Variants in C10orf143 observed in about 807,000 individuals in gnomAD.
C10orf143 encodes uncharacterized protein C10orf143.
rs138465962 is a variant in C10orf143 at position 130,080,601 on chromosome 10, G to A, written c.70-700C>T. Reference sequence around the variant, plus strand: ...CATGGAGGCCACCCTGGCCCAGGGCGAGAAATCCACCCCAGGAGCCCTGGC... The same window carrying A: ...CATGGAGGCCACCCTGGCCCAGGGCAAGAAATCCACCCCAGGAGCCCTGGC... On this transcript the variant is annotated intron_variant, in intron 1 of 3. Transcript: ENST00000637128. Among the ~76,000 whole-genome samples the A allele has an allele frequency of 1.2e-3, 180 of 152,290 alleles. 1 individual carries two copies. Among genetic ancestry groups the A allele is most frequent in the African/African-American group, 4.1e-3 (172 of 41,546 alleles).
chr10:130,039,899 G>C (rs936979831), intron 3 of C10orf143, among the ~76,000 whole-genome samples: 2 of 152,170 alleles, frequency 1.3e-5, no homozygotes, highest in African/African-American at 4.8e-5. Context: ...GAACCATTTA[G>C]GGACGTGGCA....
intron 1 of C10orf143, among the ~76,000 whole-genome samples, chr10:130,081,929 G>C (rs1169482819): frequency 6.7e-6 from 1 of 149,614 alleles, no homozygotes; most frequent in East Asian, 2.0e-4. Flanking sequence ...AGTTATACTA[G>C]TTGATACTAA....
intron 1 of C10orf143, among the ~76,000 whole-genome samples, chr10:130,100,096 A>G (rs1861524566): frequency 6.6e-6 from 1 of 151,360 alleles, no homozygotes; most frequent in Non-Finnish European, 1.5e-5. Context: ...ACAGCCTCCC[A>G]AAGTGCTGGG....
chr10:130,061,729 G>C (rs986523186), downstream of C10orf143, among the ~76,000 whole-genome samples: 1 of 152,176 alleles, frequency 6.6e-6, no homozygotes, highest in Admixed American at 6.5e-5. Context: ...GCTCGTCATG[G>C]GTGCATCAAG....
intron 3 of C10orf143, among the ~76,000 whole-genome samples, chr10:130,055,952 T>TAAAAAAAAA (rs369284797): frequency 7.8e-3 from 512 of 65,342 alleles, no homozygotes; most frequent in Middle Eastern, 0.042. Flanking sequence ...TCTCCAAAAG[T>TAAAAAAAAA]AAAAAAAAAA....
At chr10:130,071,305 G>A (rs1408003435) in intron 3 of C10orf143, among the ~76,000 whole-genome samples, 2 of 152,186 alleles carry the variant, frequency 1.3e-5, no homozygotes, top group African/African-American at 4.8e-5. Flanking sequence ...TTCTGAGGAA[G>A]TGAACACATC....
chr10:130,082,436 A>G (rs1421508024), intron 1 of C10orf143, among the ~76,000 whole-genome samples: 1 of 152,192 alleles, frequency 6.6e-6, no homozygotes, highest in Admixed American at 6.5e-5. Flanking sequence ...CTTGAATTGT[A>G]GCTCCTATAA....
intron 3 of C10orf143, among the ~76,000 whole-genome samples, chr10:130,047,565 T>A (rs1015367185): frequency 1.3e-5 from 2 of 152,134 alleles, no homozygotes; most frequent in East Asian, 3.9e-4. Flanking sequence ...AGTAACTTAC[T>A]AAGGCCCCCC....
chr10:130,108,518 TAA>T, intron 1 of C10orf143: 1 of 676,298 alleles, frequency 1.5e-6, no homozygotes. Flanking sequence ...TGCTGTTACT[TAA>T]GTGATTACAC....
chr10:130,108,591 G>A (rs1861705669), intron 1 of C10orf143: 2 of 548,726 alleles, frequency 3.6e-6, no homozygotes, highest in African/African-American at 1.9e-5. Context: ...TGTAAATAAG[G>A]ATGATTTAAA....
intron 3 of C10orf143, among the ~76,000 whole-genome samples, chr10:130,038,206 G>A (rs1295821246): frequency 6.6e-6 from 1 of 152,212 alleles, no homozygotes; most frequent in Non-Finnish European, 1.5e-5. Context: ...TGCAGCAACT[G>A]GGCCAGCAGG....
chr10:130,091,265 T>C (rs1590028548), intron 1 of C10orf143, among the ~76,000 whole-genome samples: 1 of 152,192 alleles, frequency 6.6e-6, no homozygotes, highest in Non-Finnish European at 1.5e-5. Flanking sequence ...CTGCTGGTGA[T>C]ACCCAGACAA....
At chr10:130,053,694 G>C (rs908711799) in intron 3 of C10orf143, among the ~76,000 whole-genome samples, 1 of 152,196 alleles carries the variant, frequency 6.6e-6, no homozygotes, top group East Asian at 1.9e-4. Context: ...CAGGACTTTT[G>C]GACAAGGGAT....
At chr10:130,063,893 A>C (rs1308752987), downstream of C10orf143, 2 of 153,436 alleles carry the variant, frequency 1.3e-5, no homozygotes, top group Admixed American at 1.3e-4. Context: ...CAAGATTAGA[A>C]CATTTTAAAT....
intron 1 of C10orf143, among the ~76,000 whole-genome samples, chr10:130,083,288 G>A (rs1205874428): frequency 6.6e-6 from 1 of 152,152 alleles, no homozygotes; most frequent in Non-Finnish European, 1.5e-5. Flanking sequence ...TGTTGGTGAG[G>A]CTGCAGGAAA....
In C10orf143 at chr10:130,099,997, C is replaced by A. The variant is rs186312449; in HGVS notation, c.69+10707G>T. On this transcript the variant is annotated intron_variant, in intron 1 of 3. Transcript: ENST00000637128. ...GGATTACAGGCACGCGCCACCACACCCGGCTAATTTTTGTATTTTTAGTAG... is the reference window on the plus strand; with the variant it reads ...GGATTACAGGCACGCGCCACCACACACGGCTAATTTTTGTATTTTTAGTAG... 5.6e-4 allele frequency among the ~76,000 whole-genome samples: 85 copies of A among 150,624 alleles called. 1 individual carries two copies. The highest frequency in any genetic ancestry group is 1.9e-3 in the African/African-American group (79 of 41,088).
chr10:130,043,789 G>T (rs1372995247), intron 3 of C10orf143, among the ~76,000 whole-genome samples: 2 of 152,230 alleles, frequency 1.3e-5, no homozygotes, highest in African/African-American at 2.4e-5. Flanking sequence ...CATAACAAGG[G>T]CACCGTCCAT....
chr10:130,067,024 G>A (rs528610007), intron 3 of C10orf143: 2 of 152,348 alleles, frequency 1.3e-5, no homozygotes, highest in East Asian at 1.9e-4. Flanking sequence ...CGATGTTTGT[G>A]AAGAGGGAGT....
At chr10:130,089,310 T>C (rs1267568015) in intron 1 of C10orf143, among the ~76,000 whole-genome samples, 1 of 152,254 alleles carries the variant, frequency 6.6e-6, no homozygotes, top group Non-Finnish European at 1.5e-5. Flanking sequence ...AAAGCAGTTA[T>C]GCACATTTAC....
Sources: allele counts gnomAD v4.1 joint callset (sites outside exome capture counted in the v4.1 genomes callset), GRCh38; gene constraint gnomAD v4.1.1; transcripts MANE v1.5; gene names NCBI Gene and HGNC (gene_info 2026-07-23, HGNC 2026-07-21).